The following ZNF536 variants were observed in gnomAD, a reference collection of about 807,000 sequenced individuals.
ZNF536 encodes the protein zinc finger protein 536.
ZNF536 carries 13 observed loss-of-function variants against 84.5 expected under a neutral mutation model. The observed-to-expected ratio is 0.15, with a 90% confidence interval of 0.10 to 0.24. ZNF536 has a LOEUF of 0.24. ZNF536 is among the 10% of genes least tolerant of loss of function. The pLI, the probability that ZNF536 is intolerant of heterozygous loss-of-function variation, is 1.00. For synonymous variants in ZNF536, 811 were observed against 742.5 expected (o/e 1.09, Z -1.50); for missense variants, 1,536 against 1,747.5 (o/e 0.88, Z 2.16).
chr19:30,597,359 G>A (rs1047195341), intron 1 of ZNF536, among the ~76,000 whole-genome samples: 30 of 152,196 alleles, frequency 2.0e-4, no homozygotes, highest in African/African-American at 5.3e-4. Context: ...GGCCTGACCC[G>A]GGCCATCATG....
chr19:30,303,745 G>A (rs757043674), intron 2 of ZNF536, among the ~76,000 whole-genome samples: 4 of 151,988 alleles, frequency 2.6e-5, no homozygotes, highest in Non-Finnish European at 5.9e-5. Flanking sequence ...CACTTGCCTC[G>A]GCCTCCCAAA....
chr19:30,375,947 C>T (rs552091633), intron 1 of ZNF536, among the ~76,000 whole-genome samples: 3 of 152,086 alleles, frequency 2.0e-5, no homozygotes, highest in Admixed American at 2.0e-4. Flanking sequence ...TGCCTGTGCA[C>T]GTGTGTTTGA....
At chr19:30,396,684 T>C (rs1386155997) in intron 1 of ZNF536, among the ~76,000 whole-genome samples, 1 of 146,284 alleles carries the variant, frequency 6.8e-6, no homozygotes, top group East Asian at 2.1e-4. Context: ...CACTGCAACC[T>C]CTGCCCCGCC....
At chr19:30,598,640 G>A (rs1208839046) in intron 1 of ZNF536, among the ~76,000 whole-genome samples, 2 of 151,964 alleles carry the variant, frequency 1.3e-5, no homozygotes, top group Admixed American at 6.6e-5. Context: ...CAGAAAAATT[G>A]TTCACTCTAC....
At chr19:30,338,006 A>G (rs975715062) in intron 2 of ZNF536, among the ~76,000 whole-genome samples, 5 of 151,346 alleles carry the variant, frequency 3.3e-5, no homozygotes, top group Non-Finnish European at 5.9e-5. Flanking sequence ...GGTGATTGTG[A>G]TGATGATGAT....
chr19:30,345,247 C>CA (rs1030190947), intron 2 of ZNF536, among the ~76,000 whole-genome samples: 8 of 152,060 alleles, frequency 5.3e-5, no homozygotes, highest in East Asian at 1.9e-4. Flanking sequence ...GGGGGCTCCC[C>CA]CCAGCATGAG....
Position 30,548,175 on chromosome 19 carries a change from A to G in ZNF536, c.2556A>G (p.Gly852=), listed in dbSNP as rs1181018164. Residue 852 remains glycine, a synonymous_variant, in exon 4 of 5, where the codon GGA becomes GGG. Coordinates refer to ENST00000355537, the MANE Select transcript of ZNF536 (RefSeq NM_014717.3). ...FKGLPGIDFR[G]GPASQQWTSG... ...GTCTCCCTGGAATCGACTTCAGAGG[A>G]GGCCCTGCATCTCAGCAGTGGACAT... 4.3e-6 allele frequency: 7 copies of G among 1,614,164 alleles called. No individual in the cohort carries two copies. The highest frequency in any genetic ancestry group is 5.9e-6 in the Non-Finnish European group (7 of 1,180,038).
intron 2 of ZNF536, among the ~76,000 whole-genome samples, chr19:30,519,788 T>C (rs558775976): frequency 6.6e-6 from 1 of 152,326 alleles, no homozygotes; most frequent in East Asian, 1.9e-4. Flanking sequence ...CCAGTATTTA[T>C]TGAACACACT....
chr19:30,613,189 T>C (rs1463536752), intron 1 of ZNF536, among the ~76,000 whole-genome samples: 2 of 152,238 alleles, frequency 1.3e-5, no homozygotes, highest in South Asian at 2.1e-4. Flanking sequence ...TCGGTTAAGA[T>C]AGTGTCCTCC....
chr19:30,687,296 A>G lies in ZNF536; in HGVS notation c.170-23461A>G, dbSNP rs571731112. ...ATTAAATAAATTGCAGATTTGCTACATTCCCACATGTGGCTCATGAGAAAC... is the reference window on the plus strand; with the variant it reads ...ATTAAATAAATTGCAGATTTGCTACGTTCCCACATGTGGCTCATGAGAAAC... On this transcript the variant is annotated intron_variant, in intron 1 of 1. Transcript: ENST00000592773. Among the ~76,000 whole-genome samples, 343 of 152,328 alleles carry G rather than the reference A, an allele frequency of 2.3e-3. 5 individuals are homozygous for G. Among genetic ancestry groups the G allele is most frequent in the African/African-American group, 7.9e-3 (327 of 41,568 alleles).
At chr19:30,496,046 A>G (rs992420977) in intron 2 of ZNF536, among the ~76,000 whole-genome samples, 1 of 152,146 alleles carries the variant, frequency 6.6e-6, no homozygotes, top group African/African-American at 2.4e-5. Context: ...GGTACTTTAC[A>G]GATATTTGTT....
chr19:30,314,942 C>T (rs12327635), intron 2 of ZNF536, among the ~76,000 whole-genome samples: 5,198 of 152,326 alleles, frequency 0.034, 113 homozygotes, highest in Non-Finnish European at 0.052. Context: ...TCTCTACCTG[C>T]AGGCCTTGGC....
In ZNF536 at chr19:30,466,885, G is replaced by A. The variant is rs1361766820; in HGVS notation, c.2170+21153G>A. Reference sequence around the variant, plus strand: ...GGTGGAGTTTTGCTCTTGTTGCCTAGGCTAGAGTGCAGTGGCACGATCTCG... The same window carrying A: ...GGTGGAGTTTTGCTCTTGTTGCCTAAGCTAGAGTGCAGTGGCACGATCTCG... On this transcript the variant is annotated intron_variant, in intron 2 of 4. Coordinates refer to ENST00000355537, the MANE Select transcript of ZNF536 (RefSeq NM_014717.3). Among the ~76,000 whole-genome samples, 5 of 152,234 alleles carry A rather than the reference G, an allele frequency of 3.3e-5. No individual in the cohort carries two copies. In the East Asian group the frequency reaches 9.7e-4, roughly 29 times the overall value.
At chr19:30,606,922 T>C (rs774097816) in intron 1 of ZNF536, among the ~76,000 whole-genome samples, 1 of 151,864 alleles carries the variant, frequency 6.6e-6, no homozygotes, top group Non-Finnish European at 1.5e-5. Flanking sequence ...CAGCTATTGG[T>C]GGAGGCCCCA....
intron 1 of ZNF536, among the ~76,000 whole-genome samples, chr19:30,379,247 T>TTGG (rs1426417120): frequency 1.3e-5 from 2 of 152,104 alleles, no homozygotes; most frequent in Non-Finnish European, 2.9e-5. Flanking sequence ...GAGGGTCCAG[T>TTGG]TGGTCCTGGC....
intron 1 of ZNF536, among the ~76,000 whole-genome samples, chr19:30,279,192 C>T (rs1289093514): frequency 6.6e-6 from 1 of 152,236 alleles, no homozygotes; most frequent in Non-Finnish European, 1.5e-5. Flanking sequence ...GTCACTTCCT[C>T]CAGCTTTATT....
rs1600037844 is a variant in ZNF536, at chr19:30,278,867, A to G, written c.-189-5205A>G. ...TCTGCTCCTTTCGTAGCAGGCATAC[A>G]GTGCAAATAGATCATGTTTTTCCTG... On this transcript the variant is annotated intron_variant, in intron 1 of 5. Coordinates refer to the ZNF536 transcript ENST00000585628. 2.0e-5 allele frequency among the ~76,000 whole-genome samples: 3 copies of G among 152,202 alleles called. No homozygotes were observed. In the East Asian group the frequency reaches 5.8e-4, roughly 29 times the overall value.
chr19:30,623,448 C>A (rs1413308853), intron 1 of ZNF536, among the ~76,000 whole-genome samples: 1 of 152,226 alleles, frequency 6.6e-6, no homozygotes, highest in African/African-American at 2.4e-5. Context: ...TGCAATCTGG[C>A]TTGCCACTAT....
intron 4 of ZNF536, 123 bp downstream of exon 4, chr19:30,549,637 C>G (rs370279026): frequency 8.8e-7 from 1 of 1,134,368 alleles, no homozygotes; most frequent in African/African-American, 1.6e-5. Context: ...TGAAAAAACC[C>G]TCAATGCTGT....
Sources: gnomAD v4.1 joint callset for allele counts (sites outside exome capture counted in the v4.1 genomes callset) on GRCh38, gnomAD v4.1.1 for gene constraint, MANE v1.5 for transcripts, NCBI Gene and HGNC (gene_info 2026-07-23, HGNC 2026-07-21) for gene names.